Variants in MYO9A observed in about 807,000 individuals in gnomAD.
MYO9A encodes the protein myosin IXA, also known as unconventional myosin-IXa.
Under a neutral mutation model 293.3 loss-of-function variants are expected in MYO9A, and 103 were observed. The ratio of observed to expected loss-of-function variants is 0.35; its 90% CI spans 0.30 to 0.41. The LOEUF (loss-of-function observed/expected upper bound fraction) is 0.41, where lower values mean the gene tolerates loss of function less well. Ranked by LOEUF, MYO9A falls within the 10% of genes least tolerant of loss-of-function variation. MYO9A has a pLI of 1.00. For synonymous variants in MYO9A, 1,001 were observed against 1,035.7 expected (o/e 0.97, Z 0.64); for missense variants, 2,685 against 3,033.0 (o/e 0.89, Z 2.69).
At chr15:71,994,212 A>G (rs983218048) in intron 10 of MYO9A, among the ~76,000 whole-genome samples, 10 of 152,188 alleles carry the variant, frequency 6.6e-5, no homozygotes, top group Non-Finnish European at 5.9e-5. Context: ...TATGTTTGAA[A>G]GAATACAGAG....
chr15:71,925,492 C>T (rs2058288413), intron 18 of MYO9A, among the ~76,000 whole-genome samples: 1 of 151,562 alleles, frequency 6.6e-6, no homozygotes, highest in African/African-American at 2.4e-5. Context: ...ATTTATCTGT[C>T]TGTTTTGGTG....
At position 72,101,158 on chromosome 15, in the gene MYO9A, G is replaced by A. The variant is rs1482995652; in HGVS notation, c.-72+16522C>T. 4.2e-5 allele frequency among the ~76,000 whole-genome samples: 6 copies of A among 142,484 alleles called. No homozygotes were observed. The East Asian group carries it at 1.1e-3, about 26-fold the overall frequency. The allele number at this position is 142,484 out of a possible 152,430, so 93.5% of individuals were successfully genotyped here. On this transcript the variant is annotated intron_variant, in intron 1 of 41. Transcript: ENST00000356056. ...GCCCGGCCAGCCGCCCCGTCTGGGA[G>A]GTGAGGGGTGCCTCTGCCTGGCCGC...
chr15:72,074,979 C>CTTTTTT (rs2079304481), intron 1 of MYO9A, among the ~76,000 whole-genome samples: 1 of 25,038 alleles, frequency 4.0e-5, no homozygotes, highest in African/African-American at 1.4e-4. Context: ...TTTTTTTTTT[C>CTTTTTT]TTGAGACAGA....
chr15:72,041,449 CTTT>C (rs1194763766), intron 2 of MYO9A: 1 of 339,030 alleles, frequency 2.9e-6, no homozygotes, highest in Non-Finnish European at 5.7e-6. Flanking sequence ...TCTTCTTCTT[CTTT>C]TTTTCCCATG....
chr15:72,060,111 G>A lies in MYO9A; in HGVS notation c.-71-13477C>T, dbSNP rs1460646235. ...TTGAACTGATTTTTTTGTACATTTT[G>A]GCTGCAGTATTGGTGGTAGAATATA... On this transcript the variant is annotated intron_variant, in intron 1 of 41. Transcript: ENST00000356056. Among the ~76,000 whole-genome samples, 8 of 152,016 alleles carry A rather than the reference G, an allele frequency of 5.3e-5. No individual in the cohort carries two copies. In the East Asian group the frequency reaches 1.5e-3, roughly 29 times the overall value.
At chr15:71,888,504 C>T (rs1318860127) in intron 26 of MYO9A, 1 of 153,658 alleles carries the variant, frequency 6.5e-6, no homozygotes, top group Admixed American at 6.5e-5. Context: ...ACTTTCATGG[C>T]TTAACTTGCT....
intron 18 of MYO9A, among the ~76,000 whole-genome samples, chr15:71,921,472 C>T (rs1174010541): frequency 1.3e-5 from 2 of 152,134 alleles, no homozygotes; most frequent in South Asian, 2.1e-4. Context: ...CCCTTCCACC[C>T]ACTCCTTCTC....
intron 33 of MYO9A, among the ~76,000 whole-genome samples, chr15:71,861,693 A>AC (rs1463291313): frequency 6.7e-5 from 10 of 148,720 alleles, no homozygotes; most frequent in African/African-American, 2.4e-4. Flanking sequence ...AAAAAAAAAA[A>AC]AAAAAAAACA....
chr15:72,065,704 A>C (rs2079002076), intron 1 of MYO9A, among the ~76,000 whole-genome samples: 1 of 152,088 alleles, frequency 6.6e-6, no homozygotes, highest in Non-Finnish European at 1.5e-5. Flanking sequence ...TGCAATACAC[A>C]TATCAAAAAA....
intron 1 of MYO9A, among the ~76,000 whole-genome samples, chr15:72,090,281 A>C (rs895932011): frequency 2.0e-5 from 3 of 152,196 alleles, no homozygotes; most frequent in Non-Finnish European, 4.4e-5. Context: ...TAATATACTA[A>C]CTTTATATCT....
chr15:71,827,839 T>C (rs1042903416), intron 41 of MYO9A, 45 bp downstream of exon 41: 4 of 1,570,560 alleles, frequency 2.5e-6, no homozygotes, highest in African/African-American at 2.7e-5. Flanking sequence ...TTATTCCTCC[T>C]TTGCAAAACA....
intron 26 of MYO9A, chr15:71,890,974 C>A (rs2142993426): frequency 6.6e-6 from 1 of 152,254 alleles, no homozygotes; most frequent in South Asian, 2.1e-4. Flanking sequence ...CACAATACAT[C>A]TTCATCTTCA....
intron 34 of MYO9A, among the ~76,000 whole-genome samples, chr15:71,858,928 CTT>C (rs998724351): frequency 1.3e-5 from 2 of 151,898 alleles, no homozygotes; most frequent in Admixed American, 1.3e-4. Context: ...TCTGCATTCT[CTT>C]CTCTCTAAAA....
intron 1 of MYO9A, among the ~76,000 whole-genome samples, chr15:72,115,435 A>G (rs2080936205): frequency 6.6e-6 from 1 of 152,192 alleles, no homozygotes; most frequent in Admixed American, 6.5e-5. Flanking sequence ...CCACTCCTTC[A>G]TGGGAATCCC....
intron 1 of MYO9A, among the ~76,000 whole-genome samples, chr15:72,054,267 T>C (rs1241016232): frequency 6.6e-6 from 1 of 152,210 alleles, no homozygotes; most frequent in Non-Finnish European, 1.5e-5. Context: ...TGGATATCAC[T>C]GGTATTCTTG....
At chr15:71,906,824 C>G (rs2057668855) in intron 19 of MYO9A, among the ~76,000 whole-genome samples, 3 of 131,046 alleles carry the variant, frequency 2.3e-5, no homozygotes, top group African/African-American at 5.6e-5. Context: ...AATGCAGTGG[C>G]ACGATCTCGG....
At chr15:71,832,999 T>C (rs1379596888) in intron 39 of MYO9A, among the ~76,000 whole-genome samples, 7 of 150,760 alleles carry the variant, frequency 4.6e-5, no homozygotes, top group African/African-American at 1.7e-4. Context: ...GAGTAAAACT[T>C]CCAAACAAAA....
Position 71,826,980 on chromosome 15 carries a change from C to A in MYO9A, c.7247G>T (p.Arg2416Leu). The change falls in exon 42 of 42, where the codon CGA (arginine) becomes CTA (leucine). Residue 2416 changes from arginine to leucine, a missense_variant. This residue lies in a region of MYO9A where 350 missense variants were observed against 328.9 expected (regional missense o/e 1.06). Coordinates refer to ENST00000356056, the MANE Select transcript of MYO9A (RefSeq NM_006901.4). The stretch of plus-strand genomic sequence containing the variant: ...GTCTTGCTGCTTTTTAAGTTGCTTT[C>A]GCAACTTGCTGGAAGGTTCAGACTT... ...AGKSEPSSKLRKQLKKQQDSL... is the reference protein window; with the variant it reads ...AGKSEPSSKLLKQLKKQQDSL... 1 of 1,613,282 alleles carries A rather than the reference C, an allele frequency of 6.2e-7. No homozygotes were observed. Among genetic ancestry groups the A allele is most frequent in the Non-Finnish European group, 8.5e-7 (1 of 1,179,692 alleles).
chr15:71,932,875 C>T (rs1307384189), intron 18 of MYO9A, among the ~76,000 whole-genome samples: 2 of 151,568 alleles, frequency 1.3e-5, no homozygotes, highest in Non-Finnish European at 2.9e-5. Flanking sequence ...ATGGATATAC[C>T]ACAGTGTGTT....
Sources: gnomAD v4.1 joint callset for allele counts (sites outside exome capture counted in the v4.1 genomes callset) on GRCh38, gnomAD v4.1.1 for gene constraint, gnomAD v4.1.1 regional missense constraint, MANE v1.5 for transcripts, NCBI Gene and HGNC (gene_info 2026-07-23, HGNC 2026-07-21) for gene names.